Variants in AMPH observed in about 807,000 individuals in gnomAD.
The protein encoded by AMPH is amphiphysin.
A neutral mutation model predicts 99.1 loss-of-function variants in AMPH; 49 were observed. That is an observed-to-expected ratio of 0.49 (90% CI 0.39 to 0.63). The LOEUF (loss-of-function observed/expected upper bound fraction) is 0.63, where lower values mean the gene tolerates loss of function less well. Among genes scored for constraint, AMPH ranks in the 20% least tolerant of loss-of-function variants. The pLI, the probability that AMPH is intolerant of heterozygous loss-of-function variation, is 0.00. For missense variants in AMPH, 759 were observed against 863.4 expected, an observed-to-expected ratio of 0.88 and a Z score of 1.52; for synonymous variants, 314 against 317.3, an observed-to-expected ratio of 0.99 and a Z score of 0.11.
chr7:38,604,104 G>A (rs1474798032), intron 1 of AMPH, among the ~76,000 whole-genome samples: 1 of 152,196 alleles, frequency 6.6e-6, no homozygotes, highest in Non-Finnish European at 1.5e-5. Flanking sequence ...GTGTGATTGT[G>A]CCTGTCTGAA....
rs747862983 is a variant in AMPH at position 38,417,935 on chromosome 7, C to A, written c.1288G>T (p.Ala430Ser). ...MICNLAESEQ[A>S]PPTEPKAEEP... ...TCTGCTTTTGGCTCTGTGGGTGGAG[C>A]CTGTTCAGATTCAGCCTTGGAGTGT... The change falls in exon 17 of 21, where the codon GCT (alanine) becomes TCT (serine). Residue 430 changes from alanine (A) to serine (S), a missense_variant. Physicochemically the swap from Ala to Ser is moderately conservative, Grantham distance 99 (BLOSUM62 1). Coordinates refer to ENST00000356264, the MANE Select transcript of AMPH (RefSeq NM_001635.4). 8 of 1,613,972 alleles carry A rather than the reference C, an allele frequency of 5.0e-6. No individual in the cohort carries two copies. The highest frequency in any genetic ancestry group is 6.8e-6 in the Non-Finnish European group (8 of 1,179,918).
At chr7:38,577,135 G>A (rs779009984) in intron 1 of AMPH, among the ~76,000 whole-genome samples, 10 of 152,166 alleles carry the variant, frequency 6.6e-5, no homozygotes, top group Non-Finnish European at 1.2e-4. Context: ...ATAGGCAGAG[G>A]ATATGCTACT....
intron 17 of AMPH, among the ~76,000 whole-genome samples, chr7:38,401,331 A>G (rs1044052239): frequency 1.3e-5 from 2 of 152,238 alleles, no homozygotes; most frequent in African/African-American, 2.4e-5. Context: ...TTTCAAAAAC[A>G]TAGAATCATA....
In AMPH at chr7:38,605,365, C is replaced by T. The variant is rs559271266; in HGVS notation, c.69+25918G>A. Among the ~76,000 whole-genome samples, 14 of 152,288 alleles carry T rather than the reference C, an allele frequency of 9.2e-5. No individual in the cohort carries two copies. The South Asian group carries it at 1.5e-3, about 16-fold the overall frequency. Reference sequence around the variant, plus strand: ...CGGAAAGCATCTCTAGAACATTCTGCTGTATATTAGTCAATGTACTTTGCC... The same window carrying T: ...CGGAAAGCATCTCTAGAACATTCTGTTGTATATTAGTCAATGTACTTTGCC... On this transcript the variant is annotated intron_variant, in intron 1 of 20. Coordinates refer to ENST00000356264, the MANE Select transcript of AMPH (RefSeq NM_001635.4).
At chr7:38,459,986 A>C (rs1584119872) in intron 11 of AMPH, among the ~76,000 whole-genome samples, 1 of 152,152 alleles carries the variant, frequency 6.6e-6, no homozygotes, top group East Asian at 1.9e-4. Flanking sequence ...AACTCAACTC[A>C]ATAATTAAAA....
intron 1 of AMPH, among the ~76,000 whole-genome samples, chr7:38,612,072 AT>A (rs1281357949): frequency 1.0e-5 from 1 of 96,904 alleles, no homozygotes; most frequent in African/African-American, 3.7e-5. Context: ...GCTAAGACTG[AT>A]TTTTTGTCTT....
chr7:38,591,948 T>A (rs1357072017), intron 1 of AMPH, among the ~76,000 whole-genome samples: 1 of 152,160 alleles, frequency 6.6e-6, no homozygotes, highest in Non-Finnish European at 1.5e-5. Flanking sequence ...ATATAGCATG[T>A]GGAATGGGAA....
chr7:38,466,371 G>T, intron 7 of AMPH, 123 bp from the exon 8 acceptor site: 1 of 755,362 alleles, frequency 1.3e-6, no homozygotes, highest in South Asian at 1.7e-5. Flanking sequence ...GAATAACTTT[G>T]GACTAAATAA....
At chr7:38,469,251 G>T (rs1357965315) in intron 7 of AMPH, among the ~76,000 whole-genome samples, 1 of 148,132 alleles carries the variant, frequency 6.8e-6, no homozygotes. Context: ...CTGCTTAAAA[G>T]TTTCATTTTG....
At chr7:38,438,128 T>C (rs1268306125) in intron 11 of AMPH, among the ~76,000 whole-genome samples, 4 of 152,218 alleles carry the variant, frequency 2.6e-5, no homozygotes, top group African/African-American at 7.2e-5. Context: ...GTAGTAAACA[T>C]ATTATACTTG....
chr7:38,407,048 C>CTCTCTATATA (rs1241166935), intron 17 of AMPH, among the ~76,000 whole-genome samples: 2 of 31,262 alleles, frequency 6.4e-5, no homozygotes, highest in Non-Finnish European at 1.2e-4. Flanking sequence ...CTCTCTCTCT[C>CTCTCTATATA]TATATATATA....
intron 2 of AMPH, among the ~76,000 whole-genome samples, chr7:38,524,297 T>C (rs1014902825): frequency 1.3e-5 from 2 of 152,144 alleles, no homozygotes; most frequent in Non-Finnish European, 2.9e-5. Context: ...ACAGAGTTAG[T>C]TTAAAGAAAC....
Position 38,384,324 on chromosome 7 carries a change from G to T in AMPH, c.*494C>A, listed in dbSNP as rs1784293003. The T allele has an allele frequency of 6.3e-6, 1 of 158,686 alleles. No individual in the cohort carries two copies. Among genetic ancestry groups the T allele is most frequent in the Admixed American group, 5.9e-5 (1 of 16,938 alleles). 9.8% of individuals were successfully genotyped at this position (158,686 alleles called of 1,614,324 possible). ...ACTGTGTGTCCATATATATATAGAT[G>T]TGTTGGAAAAGAACATTGAGAACTT... On this transcript the variant is annotated 3_prime_UTR_variant, in exon 21 of 21. Transcript: ENST00000356264.
intron 11 of AMPH, among the ~76,000 whole-genome samples, chr7:38,445,518 A>G (rs934888334): frequency 1.3e-5 from 2 of 152,296 alleles, no homozygotes; most frequent in South Asian, 2.1e-4. Flanking sequence ...AATCTTATCT[A>G]ATGAGGGAGT....
chr7:38,581,604 C>G (rs1161155654), intron 1 of AMPH, among the ~76,000 whole-genome samples: 1 of 152,132 alleles, frequency 6.6e-6, no homozygotes, highest in Non-Finnish European at 1.5e-5. Context: ...CACCTTTTAA[C>G]AGGAACAGAC....
intron 1 of AMPH, among the ~76,000 whole-genome samples, chr7:38,595,651 G>C (rs1200926490): frequency 6.6e-6 from 1 of 152,048 alleles, no homozygotes; most frequent in African/African-American, 2.4e-5. Flanking sequence ...TAAGGTTTGG[G>C]ATATGACTGT....
rs1160463343 is a variant in AMPH, at chr7:38,571,123, AT to A, written c.70-36113del. Among the ~76,000 whole-genome samples, 5 of 79,200 alleles carry A rather than the reference AT, an allele frequency of 6.3e-5. 1 individual carries two copies. Among genetic ancestry groups the A allele is most frequent in the African/African-American group, 2.5e-4 (5 of 19,732 alleles). 52.0% of individuals were successfully genotyped at this position (79,200 alleles called of 152,430 possible). On this transcript the variant is annotated intron_variant, in intron 1 of 20. Coordinates refer to ENST00000356264, the MANE Select transcript of AMPH (RefSeq NM_001635.4). ...ATATATATTCATATATACAGTATATATGAATATATATATTTTTATATATTTA... is the reference window on the plus strand; with the variant it reads ...ATATATATTCATATATACAGTATATAGAATATATATATTTTTATATATTTA...
At chr7:38,433,744 A>AAAG (rs1786142459) in intron 12 of AMPH, among the ~76,000 whole-genome samples, 90 of 147,406 alleles carry the variant, frequency 6.1e-4, no homozygotes, top group African/African-American at 2.2e-3. Flanking sequence ...AAAAAAAAAA[A>AAAG]AAGAATCAAA....
At position 38,448,760 on chromosome 7, in the gene AMPH, G is replaced by A. The variant is rs550134659; in HGVS notation, c.1018-12372C>T. ...CCTTTACTCACAATCTAGACCTATC[G>A]ATTGTTCTCTCACATTTGCTTTATG... On this transcript the variant is annotated intron_variant, in intron 11 of 20. Transcript: ENST00000356264. Among the ~76,000 whole-genome samples the A allele has an allele frequency of 9.9e-5, 15 of 152,220 alleles. No homozygotes were observed. The East Asian group carries it at 2.5e-3, about 25-fold the overall frequency.
Sources: allele counts gnomAD v4.1 joint callset (sites outside exome capture counted in the v4.1 genomes callset), GRCh38; gene constraint gnomAD v4.1.1; transcripts MANE v1.5; gene names NCBI Gene and HGNC (gene_info 2026-07-23, HGNC 2026-07-21).